Variants in MOV10 observed in about 807,000 individuals in gnomAD.
MOV10 encodes the protein Mov10 RNA helicase.
In MOV10, 39 loss-of-function variants were observed where a neutral mutation model predicts 108.4. The ratio of observed to expected loss-of-function variants is 0.36; its 90% CI spans 0.28 to 0.47. MOV10 has a LOEUF of 0.47. Ranked by LOEUF, MOV10 falls within the 20% of genes least tolerant of loss-of-function variation. MOV10 has a pLI of 1.00. For synonymous variants in MOV10, 490 were observed against 523.1 expected, an observed-to-expected ratio of 0.94 and a Z score of 0.86; for missense variants, 952 against 1,297.6, an observed-to-expected ratio of 0.73 and a Z score of 4.09.
rs1007404100 is a variant in MOV10, at chr1:112,696,849, A to G, written c.2198+3A>G. The G allele has an allele frequency of 8.2e-6, 13 of 1,579,812 alleles. No individual in the cohort carries two copies. In the African/African-American group the frequency reaches 1.6e-4, roughly 20 times the overall value. On this transcript the variant is annotated splice_donor_region_variant and intron_variant, in intron 14 of 20. Transcript: ENST00000369645. ...ACCAAGCTGCTCCGCAACTACAGGTATTCCCATGCCCTTGCCTCCCCTGCC... is the reference window on the plus strand; with the variant it reads ...ACCAAGCTGCTCCGCAACTACAGGTGTTCCCATGCCCTTGCCTCCCCTGCC...
intron 2 of MOV10, among the ~76,000 whole-genome samples, chr1:112,683,271 G>T (rs1672811159): frequency 1.3e-5 from 2 of 152,002 alleles, no homozygotes; most frequent in South Asian, 4.1e-4. Context: ...ATTTCTTTTG[G>T]GATGTAACTA....
chr1:112,692,333 C>T (rs150560681), intron 6 of MOV10, among the ~76,000 whole-genome samples: 22 of 152,278 alleles, frequency 1.4e-4, no homozygotes, highest in Admixed American at 3.9e-4. Flanking sequence ...AAGATCTTGT[C>T]TCTAAAAAAG....
intron 17 of MOV10, chr1:112,699,343 G>A: frequency 1.8e-6 from 1 of 562,784 alleles, no homozygotes; most frequent in Non-Finnish European, 2.5e-6. Flanking sequence ...GGGGGTCCGG[G>A]TTAGGGCCCA....
intron 2 of MOV10, among the ~76,000 whole-genome samples, chr1:112,679,069 T>C (rs1672425434): frequency 3.3e-5 from 5 of 152,118 alleles, no homozygotes; most frequent in Admixed American, 3.3e-4. Context: ...GTCTATAGAT[T>C]GTGAAACTAG....
At chr1:112,688,311 G>A in intron 2 of MOV10, 1 of 987,270 alleles carries the variant, frequency 1.0e-6, no homozygotes, top group Non-Finnish European at 1.2e-6. Context: ...AGTTTTCCCT[G>A]TCTTCACCTT....
chr1:112,677,152 G>A (rs564545034), intron 2 of MOV10, among the ~76,000 whole-genome samples: 7 of 152,138 alleles, frequency 4.6e-5, no homozygotes, highest in African/African-American at 1.4e-4. Flanking sequence ...ACATAGAGGA[G>A]GTGGAAAGGC....
At chr1:112,678,878 C>T (rs1265236706) in intron 2 of MOV10, among the ~76,000 whole-genome samples, 2 of 152,040 alleles carry the variant, frequency 1.3e-5, no homozygotes, top group Non-Finnish European at 2.9e-5. Context: ...GGTTGGACCT[C>T]TACCCACAGT....
chr1:112,696,913 G>A, intron 14 of MOV10, 67 bp downstream of exon 14: 3 of 1,310,520 alleles, frequency 2.3e-6, no homozygotes, highest in African/African-American at 2.9e-5. Context: ...AGACCCCACT[G>A]GAGAGTCTGG....
At chr1:112,687,651 C>T (rs1331249196) in intron 2 of MOV10, among the ~76,000 whole-genome samples, 1 of 152,080 alleles carries the variant, frequency 6.6e-6, no homozygotes, top group Non-Finnish European at 1.5e-5. Flanking sequence ...CCACTCCCTT[C>T]CTTGTGCATT....
Position 112,689,397 on chromosome 1 carries a change from G to GCA in MOV10, c.342-18_342-17insCA. 7 of 615,482 alleles carry GCA rather than the reference G, an allele frequency of 1.1e-5. No individual in the cohort carries two copies. Among genetic ancestry groups the GCA allele is most frequent in the Non-Finnish European group, 1.8e-5 (6 of 342,252 alleles). 38.1% of individuals were successfully genotyped at this position (615,482 alleles called of 1,614,324 possible). On this transcript the variant is annotated splice_polypyrimidine_tract_variant and intron_variant, in intron 3 of 20. Coordinates refer to ENST00000369645, the MANE Select transcript of MOV10 (RefSeq NM_001321324.2). ...ACCGCTCCCACCCCAACCCCCCCTT[G>GCA]ACTCCCCTTCTCCCCAGGGCTGAGT...
rs781686168 is a variant in MOV10 at position 112,700,644 on chromosome 1, C to G, written c.*137C>G. 12 of 1,541,932 alleles carry G rather than the reference C, an allele frequency of 7.8e-6. No homozygotes were observed. The highest frequency in any genetic ancestry group is 1.2e-5 in the South Asian group (1 of 82,656). ...GTTTACAACCCAAGCCATTCCACCC[C>G]CTCCCCTGCTGGGGAGAATGACACA... On this transcript the variant is annotated 3_prime_UTR_variant, in exon 21 of 21. Transcript: ENST00000369645.
In MOV10 at chr1:112,695,843, C is replaced by A. The variant is rs371346698; in HGVS notation, c.1779+269C>A. Among the ~76,000 whole-genome samples the A allele has an allele frequency of 3.6e-4, 55 of 152,228 alleles. 1 individual carries two copies. In the South Asian group the frequency reaches 0.011, roughly 30 times the overall value. ...TTACCTGAGGTCTGGAGTTTGAGAC[C>A]AGCCTGGCCAACATGGCAAAATCCC... On this transcript the variant is annotated intron_variant, in intron 11 of 20. Coordinates refer to ENST00000369645, the MANE Select transcript of MOV10 (RefSeq NM_001321324.2).
chr1:112,692,669 C>T (rs1673688660), intron 6 of MOV10, 92 bp from the exon 7 acceptor site: 1 of 1,500,886 alleles, frequency 6.7e-7, no homozygotes, highest in South Asian at 1.3e-5. Flanking sequence ...TCCAGAGCTT[C>T]AGGTGGGAGA....
At chr1:112,690,159 C>A in intron 5 of MOV10, 61 bp downstream of exon 5, 1 of 1,576,080 alleles carries the variant, frequency 6.3e-7, no homozygotes. Context: ...TGGGCCAGGG[C>A]TTTGGGAAGA....
In MOV10 at chr1:112,675,610, C is replaced by T. The variant is rs1381904982; in HGVS notation, c.137+561C>T. Among the ~76,000 whole-genome samples, 1 of 152,216 alleles carries T rather than the reference C, an allele frequency of 6.6e-6. No individual in the cohort carries two copies. The highest frequency in any genetic ancestry group is 6.5e-5 in the Admixed American group (1 of 15,284). On this transcript the variant is annotated intron_variant, in intron 2 of 20. Transcript: ENST00000369645. The surrounding 1 kb of genome is among the most constrained non-coding windows in gnomAD (Gnocchi z 4.7). ...GGAAAGAAGAAAAGGGCACAAACTA[C>T]GTGCGTACCAAACCTCCATTAGCAC...
chr1:112,689,804 G>C lies in MOV10; in HGVS notation c.578-36G>C, dbSNP rs527386779. 1.7e-5 allele frequency: 27 copies of C among 1,605,038 alleles called. No individual in the cohort carries two copies. In the East Asian group the frequency reaches 5.8e-4, roughly 35 times the overall value. The stretch of plus-strand genomic sequence containing the variant: ...CCGGGATAAGGATATGGGTGGGAGG[G>C]TCCCTACCCCCATTCACTCATCCAT... On this transcript the variant is annotated intron_variant, in intron 4 of 20. Transcript: ENST00000369645.
chr1:112,684,051 A>G (rs1672869494), intron 2 of MOV10, among the ~76,000 whole-genome samples: 1 of 152,084 alleles, frequency 6.6e-6, no homozygotes, highest in Non-Finnish European at 1.5e-5. Flanking sequence ...CCTGGGCTCA[A>G]GCAATCCTCA....
chr1:112,683,386 T>C (rs1672817886), intron 2 of MOV10, among the ~76,000 whole-genome samples: 1 of 152,234 alleles, frequency 6.6e-6, no homozygotes, highest in Non-Finnish European at 1.5e-5. Context: ...CAACAAACAA[T>C]GCATGAGAGT....
intron 1 of MOV10, 55 bp downstream of exon 1, chr1:112,674,784 C>A (rs1570737737): frequency 8.0e-6 from 7 of 879,440 alleles, no homozygotes. Context: ...CCCGCAGGAT[C>A]AGGGGTCAGA....
Sources: allele counts gnomAD v4.1 joint callset (sites outside exome capture counted in the v4.1 genomes callset), GRCh38; gene constraint gnomAD v4.1.1; non-coding constraint Gnocchi (gnomAD v3.1); transcripts MANE v1.5; gene names NCBI Gene and HGNC (gene_info 2026-07-23, HGNC 2026-07-21).